Variants in ZNF462 observed in about 807,000 individuals in gnomAD.
The protein encoded by ZNF462 is zinc finger protein 462.
A neutral mutation model predicts 201.9 loss-of-function variants in ZNF462; 10 were observed. The observed-to-expected ratio is 0.05, with a 90% CI of 0.03 to 0.08. The LOEUF is 0.08. Among genes scored for constraint, ZNF462 ranks in the 10% least tolerant of loss-of-function variants. ZNF462 has a pLI of 1.00. For synonymous variants in ZNF462, 1,227 were observed against 1,193.3 expected (o/e 1.03, Z -0.58); for missense variants, 2,523 against 3,168.3 (o/e 0.80, Z 4.89).
chr9:106,901,125 T>C (rs927057980), intron 1 of ZNF462, among the ~76,000 whole-genome samples: 2 of 152,012 alleles, frequency 1.3e-5, no homozygotes, highest in Admixed American at 1.3e-4. Flanking sequence ...TCCCAGTAAT[T>C]GGCTAATTGG....
chr9:106,871,372 G>A (rs1827583170), intron 1 of ZNF462, among the ~76,000 whole-genome samples: 2 of 152,188 alleles, frequency 1.3e-5, no homozygotes, highest in Admixed American at 6.5e-5. Flanking sequence ...AGGAAAGTAG[G>A]CTAAAGCATT....
In ZNF462 at chr9:106,935,427, A is replaced by G; in HGVS notation, c.6117-76A>G. 2 of 1,312,484 alleles carry G rather than the reference A, an allele frequency of 1.5e-6. No individual in the cohort carries two copies. The highest frequency in any genetic ancestry group is 1.1e-6 in the Non-Finnish European group (1 of 919,760). The allele number at this position is 1,312,484 out of a possible 1,614,324, so 81.3% of individuals were successfully genotyped here. Reference sequence around the variant, plus strand: ...AACGACCTAGAAGTAGGATTCCTGGAAAAAAAGCAATGAGCAAATCCTCTA... The same window carrying G: ...AACGACCTAGAAGTAGGATTCCTGGGAAAAAAGCAATGAGCAAATCCTCTA... On this transcript the variant is annotated intron_variant, in intron 5 of 12. Coordinates refer to ENST00000277225, the MANE Select transcript of ZNF462 (RefSeq NM_021224.6). The surrounding 1 kb of genome is among the most constrained non-coding windows in gnomAD (Gnocchi z 4.1).
At chr9:106,871,699 A>T (rs1449664971) in intron 1 of ZNF462, among the ~76,000 whole-genome samples, 4 of 152,232 alleles carry the variant, frequency 2.6e-5, no homozygotes, top group Non-Finnish European at 4.4e-5. Flanking sequence ...TTACAATTAC[A>T]GCCTTTCTGA....
chr9:106,889,044 C>G lies in ZNF462; in HGVS notation c.-31+25689C>G, dbSNP rs530649336. ...GATTCTCTTTCTAGCTTAAAATATTCTGGATATGCTTTAACTTGCCTTGGG... is the reference window on the plus strand; with the variant it reads ...GATTCTCTTTCTAGCTTAAAATATTGTGGATATGCTTTAACTTGCCTTGGG... On this transcript the variant is annotated intron_variant, in intron 1 of 12. Transcript: ENST00000277225. Among the ~76,000 whole-genome samples the G allele has an allele frequency of 1.6e-4, 24 of 152,342 alleles. No homozygotes were observed. The East Asian group carries it at 4.6e-3, about 29-fold the overall frequency.
intron 7 of ZNF462, among the ~76,000 whole-genome samples, chr9:106,956,076 ATTC>A (rs1437761531): frequency 6.6e-6 from 1 of 152,160 alleles, no homozygotes; most frequent in Non-Finnish European, 1.5e-5. Context: ...TAGAATGGTG[ATTC>A]CTTTCGAAAA....
At position 107,003,459 on chromosome 9, in the gene ZNF462, G is replaced by A. The variant is rs1829340425; in HGVS notation, c.7189+33G>A. 1 of 1,610,384 alleles carries A rather than the reference G, an allele frequency of 6.2e-7. No individual in the cohort carries two copies. Among genetic ancestry groups the A allele is most frequent in the Admixed American group, 1.7e-5 (1 of 59,740 alleles). Reference sequence around the variant, plus strand: ...TCATCCTGCCCTCCCAATCCCAGATGGCATCTGGCATGTCCGTAGTGAGAC... The same window carrying A: ...TCATCCTGCCCTCCCAATCCCAGATAGCATCTGGCATGTCCGTAGTGAGAC... On this transcript the variant is annotated intron_variant, in intron 11 of 12. Coordinates refer to ENST00000277225, the MANE Select transcript of ZNF462 (RefSeq NM_021224.6). This position sits in a 1 kb window ranked among gnomAD's most constrained non-coding sequence, Gnocchi z 4.4.
chr9:106,927,204 T>TGGGCCCCCCCCCCCC lies in ZNF462; in HGVS notation c.3292_3293insGGGCCCCCCCCCCCC (p.Ser1098delinsTrpAlaProProProPro). On this transcript the variant is annotated protein_altering_variant, in exon 3 of 13. Coordinates refer to ENST00000277225, the MANE Select transcript of ZNF462 (RefSeq NM_021224.6). ...GTCTCCCAAAATGTCCAACATGGGT[T>TGGGCCCCCCCCCCCC]CCCCACCCCCCCCACAACCCCCGCC... is the stretch of plus-strand genomic sequence containing the variant. 1 of 1,570,262 alleles carries TGGGCCCCCCCCCCCC rather than the reference T, an allele frequency of 6.4e-7. No individual in the cohort carries two copies. Among genetic ancestry groups the TGGGCCCCCCCCCCCC allele is most frequent in the Non-Finnish European group, 8.7e-7 (1 of 1,149,718 alleles).
At position 107,011,763 on chromosome 9, in the gene ZNF462, AAAAC is replaced by A. The variant is rs1443621916; in HGVS notation, c.*737_*740del. ...GTGATTTTTTTAATTATTTTAGTAA[AAAAC>A]AAAACAAAAAAAAGAAACAGACTTT... is the stretch of plus-strand genomic sequence containing the variant. On this transcript the variant is annotated 3_prime_UTR_variant, in exon 13 of 13. Coordinates refer to ENST00000277225, the MANE Select transcript of ZNF462 (RefSeq NM_021224.6). This position sits in a 1 kb window ranked among gnomAD's most constrained non-coding sequence, Gnocchi z 5.6. 17 of 152,102 alleles carry A rather than the reference AAAAC, an allele frequency of 1.1e-4. No homozygotes were observed. Among genetic ancestry groups the A allele is most frequent in the Admixed American group, 1.3e-4 (2 of 15,260 alleles). The allele number at this position is 152,102 out of a possible 1,614,324, so 9.4% of individuals were successfully genotyped here.
rs573398169 is a variant in ZNF462, at chr9:106,948,037, T to C, written c.6427+8930T>C. Among the ~76,000 whole-genome samples the C allele has an allele frequency of 4.6e-5, 7 of 152,298 alleles. No individual in the cohort carries two copies. In the South Asian group the frequency reaches 1.5e-3, roughly 32 times the overall value. ...CTATAACTTTGGATAGGAGAAGGAA[T>C]TGAGTCATGTAGGGCTTCATGGAAG... On this transcript the variant is annotated intron_variant, in intron 7 of 12. Transcript: ENST00000277225.
At chr9:106,915,464 C>T (rs1260624156) in intron 1 of ZNF462, among the ~76,000 whole-genome samples, 1 of 152,074 alleles carries the variant, frequency 6.6e-6, no homozygotes, top group Non-Finnish European at 1.5e-5. Flanking sequence ...TTGGGGATTG[C>T]AAGAGAAAAG....
intron 7 of ZNF462, among the ~76,000 whole-genome samples, chr9:106,941,042 G>T (rs941543245): frequency 2.6e-5 from 4 of 152,020 alleles, no homozygotes; most frequent in Non-Finnish European, 5.9e-5. Flanking sequence ...GCTTTTGCTG[G>T]GACATTTTTC....
rs186801030 is a variant in ZNF462 at position 106,963,770 on chromosome 9, T to C, written c.6428-8235T>C. On this transcript the variant is annotated intron_variant, in intron 7 of 12. Coordinates refer to ENST00000277225, the MANE Select transcript of ZNF462 (RefSeq NM_021224.6). The surrounding 1 kb of genome is among the most constrained non-coding windows in gnomAD (Gnocchi z 4.7). ...GTATTGTTAACTGTATACACATTGT[T>C]ATACAGCAGATCTCTAGAACTCTTT... is the stretch of plus-strand genomic sequence containing the variant. Among the ~76,000 whole-genome samples, 11 of 152,166 alleles carry C rather than the reference T, an allele frequency of 7.2e-5. No homozygotes were observed. The highest frequency in any genetic ancestry group is 6.5e-4 in the Admixed American group (10 of 15,274).
intron 1 of ZNF462, among the ~76,000 whole-genome samples, chr9:106,922,729 GAAAAAAA>G: frequency 6.6e-6 from 1 of 150,464 alleles, no homozygotes; most frequent in Non-Finnish European, 1.5e-5. Context: ...TTAGCTCATG[GAAAAAAA>G]AACCCACAAC....
chr9:106,945,264 G>A (rs1184484177), intron 7 of ZNF462, among the ~76,000 whole-genome samples: 3 of 152,170 alleles, frequency 2.0e-5, no homozygotes, highest in Non-Finnish European at 4.4e-5. Flanking sequence ...AAGCTTAAAA[G>A]GAAACCCTTC....
intron 10 of ZNF462, among the ~76,000 whole-genome samples, chr9:106,985,368 A>G (rs1046549522): frequency 6.6e-6 from 1 of 152,172 alleles, no homozygotes; most frequent in Admixed American, 6.5e-5. Context: ...GAATGAATAC[A>G]TTAGTACAGG....
chr9:107,003,373 G>T lies in ZNF462; in HGVS notation c.7136G>T (p.Ser2379Ile). 2 of 1,613,898 alleles carry T rather than the reference G, an allele frequency of 1.2e-6. No individual in the cohort carries two copies. The highest frequency in any genetic ancestry group is 2.2e-5 in the South Asian group (2 of 91,068). Residue 2379 changes from serine to isoleucine, a missense_variant, in exon 11 of 13, where the codon AGC becomes ATC. By Grantham distance (142) the Ser-to-Ile change is moderately radical. Around this residue, in one of 15 missense-constraint regions of ZNF462, gnomAD observed 228 missense variants for 361.2 expected, o/e 0.63. Transcript: ENST00000277225. The surrounding 1 kb of genome is among the most constrained non-coding windows in gnomAD (Gnocchi z 4.4). ...EQMKEKMESS[S>I]SDDEDKEEEM... ...ATGAAGGAGAAAATGGAGAGCTCCA[G>T]CAGCGATGATGAGGACAAGGAAGAA...
Position 106,927,777 on chromosome 9 carries a change from C to G in ZNF462, c.3865C>G (p.Pro1289Ala), listed in dbSNP as rs145192004. 409 of 1,613,992 alleles carry G rather than the reference C, an allele frequency of 2.5e-4. 1 individual carries two copies. Among genetic ancestry groups the G allele is most frequent in the Non-Finnish European group, 3.4e-4 (399 of 1,180,034 alleles). Residue 1289 changes from proline to alanine, a missense_variant, in exon 3 of 13, where the codon CCC becomes GCC. Coordinates refer to ENST00000277225, the MANE Select transcript of ZNF462 (RefSeq NM_021224.6). ...GAGGAAGCATATCAAGAAAGACCAC[C>G]CCGCCCTGAAAGCCACAGTCACGTC... Reference protein sequence around the residue: ...ALRKHIKKDHPALKATVTSIM... With the variant: ...ALRKHIKKDHAALKATVTSIM...
At chr9:106,999,763 A>C (rs1876985) in intron 10 of ZNF462, among the ~76,000 whole-genome samples, 43,136 of 152,098 alleles carry the variant, frequency 0.28, 6,645 homozygotes, top group South Asian at 0.44. Flanking sequence ...TATTTTCATA[A>C]ATTTTTTGTG....
chr9:106,930,200 T>C lies in ZNF462; in HGVS notation c.5848-325T>C, dbSNP rs1830367159. On this transcript the variant is annotated intron_variant, in intron 3 of 12. Coordinates refer to ENST00000277225, the MANE Select transcript of ZNF462 (RefSeq NM_021224.6). This position sits in a 1 kb window ranked among gnomAD's most constrained non-coding sequence, Gnocchi z 5.8. ...GATTTTATTTTATCAAGAAGTTCAT[T>C]AATGGCGCAACTATGCAACGTTTCA... Among the ~76,000 whole-genome samples the C allele has an allele frequency of 6.6e-6, 1 of 152,144 alleles. No individual in the cohort carries two copies. The highest frequency in any genetic ancestry group is 1.5e-5 in the Non-Finnish European group (1 of 68,024).
Sources: gnomAD v4.1 joint callset for allele counts (sites outside exome capture counted in the v4.1 genomes callset) on GRCh38, gnomAD v4.1.1 for gene constraint, gnomAD v4.1.1 regional missense constraint, Gnocchi (gnomAD v3.1) non-coding constraint, MANE v1.5 for transcripts, NCBI Gene and HGNC (gene_info 2026-07-23, HGNC 2026-07-21) for gene names.